AGBL4: variants seen among roughly 807,000 people sequenced by gnomAD.
AGBL4 encodes cytosolic carboxypeptidase 6.
A neutral mutation model predicts 66.4 loss-of-function variants in AGBL4; 58 were observed. That is an observed-to-expected ratio of 0.87 (90% CI 0.71 to 1.09). The LOEUF (loss-of-function observed/expected upper bound fraction) is 1.09, where lower values mean the gene tolerates loss of function less well. Ranked by LOEUF, AGBL4 falls within the 50% of genes least tolerant of loss-of-function variation. The probability of loss-of-function intolerance (pLI) is 0.00; values close to 1 mark genes in which losing one functional copy is unlikely to be tolerated. For synonymous variants in AGBL4, 234 were observed against 222.9 expected (o/e 1.05, Z -0.44); for missense variants, 579 against 631.0 (o/e 0.92, Z 0.88).
intron 5 of AGBL4, among the ~76,000 whole-genome samples, chr1:48,875,686 G>A (rs1196995234): frequency 2.0e-5 from 3 of 152,190 alleles, no homozygotes; most frequent in Admixed American, 6.5e-5. Flanking sequence ...TGGAAATAGA[G>A]AGGAGCATAT....
intron 4 of AGBL4, among the ~76,000 whole-genome samples, chr1:49,119,065 G>T (rs1268531648): frequency 6.6e-6 from 1 of 152,004 alleles, no homozygotes; most frequent in Non-Finnish European, 1.5e-5. Context: ...ATTTTTTATT[G>T]CATCTATTTG....
chr1:49,740,450 G>A (rs561495636), intron 2 of AGBL4, among the ~76,000 whole-genome samples: 2 of 152,166 alleles, frequency 1.3e-5, no homozygotes, highest in Admixed American at 1.3e-4. Context: ...CAATAATAAT[G>A]GGAGACTTTA....
At chr1:48,980,862 CA>C (rs1659715069) in intron 5 of AGBL4, among the ~76,000 whole-genome samples, 1 of 150,694 alleles carries the variant, frequency 6.6e-6, no homozygotes. Context: ...TCTGAGCCCT[CA>C]AGTAGCTGCT....
At chr1:49,380,129 A>AGTT (rs1353527473) in intron 3 of AGBL4, among the ~76,000 whole-genome samples, 1 of 152,178 alleles carries the variant, frequency 6.6e-6, no homozygotes, top group East Asian at 1.9e-4. Context: ...AATCTCCTTA[A>AGTT]GCTGATAAGC....
intron 5 of AGBL4, among the ~76,000 whole-genome samples, chr1:49,028,934 A>C (rs931093874): frequency 4.6e-5 from 7 of 152,172 alleles, no homozygotes; most frequent in Non-Finnish European, 8.8e-5. Context: ...CATAATATAC[A>C]ATTTTAATAA....
intron 3 of AGBL4, among the ~76,000 whole-genome samples, chr1:49,653,733 G>A (rs1646056380): frequency 6.6e-6 from 1 of 151,496 alleles, no homozygotes; most frequent in Non-Finnish European, 1.5e-5. Context: ...AGAGCTTGAA[G>A]ACTGTCTTGC....
chr1:49,215,746 A>T (rs982384110), intron 4 of AGBL4, among the ~76,000 whole-genome samples: 5 of 152,114 alleles, frequency 3.3e-5, no homozygotes, highest in Non-Finnish European at 7.4e-5. Flanking sequence ...CGTTTGCTCA[A>T]GCTTCATCAT....
intron 3 of AGBL4, among the ~76,000 whole-genome samples, chr1:49,383,973 T>G (rs938460667): frequency 2.0e-4 from 30 of 151,916 alleles, no homozygotes; most frequent in Non-Finnish European, 3.1e-4. Context: ...ATTTTTTGTA[T>G]TTTAGTAGAG....
At chr1:48,760,603 C>T (rs538390058) in intron 6 of AGBL4, among the ~76,000 whole-genome samples, 8 of 152,260 alleles carry the variant, frequency 5.3e-5, no homozygotes, top group East Asian at 3.9e-4. Context: ...GTTCCAGGTA[C>T]GAGCACAGGG....
chr1:49,664,357 T>C (rs1205267222), intron 3 of AGBL4, among the ~76,000 whole-genome samples: 2 of 152,058 alleles, frequency 1.3e-5, no homozygotes, highest in African/African-American at 4.8e-5. Flanking sequence ...TTTTAAAATA[T>C]AGCAATTACA....
At chr1:49,841,741 A>T (rs1196323343) in intron 2 of AGBL4, 3 of 282,350 alleles carry the variant, frequency 1.1e-5, no homozygotes, top group Non-Finnish European at 2.0e-5. Flanking sequence ...AAAGGCATTC[A>T]GTTTTATAAG....
intron 4 of AGBL4, among the ~76,000 whole-genome samples, chr1:49,116,120 A>C (rs973712853): frequency 2.0e-5 from 3 of 152,176 alleles, no homozygotes; most frequent in African/African-American, 7.2e-5. Flanking sequence ...ATCTCTGTAT[A>C]AGTATGTTTT....
intron 6 of AGBL4, among the ~76,000 whole-genome samples, chr1:48,859,623 G>A (rs1647313126): frequency 6.6e-6 from 1 of 152,212 alleles, no homozygotes; most frequent in African/African-American, 2.4e-5. Context: ...TGTTCCGCCT[G>A]GCTGCTAGAA....
chr1:49,546,678 G>T (rs1240344518), intron 3 of AGBL4, among the ~76,000 whole-genome samples: 6 of 151,942 alleles, frequency 3.9e-5, no homozygotes, highest in East Asian at 1.9e-4. Flanking sequence ...ACTGTTTTTT[G>T]ATTTTTTTGA....
intron 1 of AGBL4, among the ~76,000 whole-genome samples, chr1:50,015,560 G>T (rs1661914784): frequency 6.6e-6 from 1 of 152,192 alleles, no homozygotes; most frequent in Non-Finnish European, 1.5e-5. Context: ...GGGAGGCTGA[G>T]ATGAGACCAT....
At chr1:49,557,938 A>T (rs930914680) in intron 3 of AGBL4, among the ~76,000 whole-genome samples, 1 of 151,752 alleles carries the variant, frequency 6.6e-6, no homozygotes, top group Non-Finnish European at 1.5e-5. Flanking sequence ...CTTAAATACC[A>T]GCTCTACCAT....
Position 49,658,571 on chromosome 1 carries a change from T to C in AGBL4, c.282+38742A>G, listed in dbSNP as rs184224160. ...GACACATGCACACATATGTTTATTG[T>C]GGCACTACTCACAATAGCAAAGACT... On this transcript the variant is annotated intron_variant, in intron 3 of 13. Coordinates refer to ENST00000371839, the MANE Select transcript of AGBL4 (RefSeq NM_032785.4). Among the ~76,000 whole-genome samples the C allele has an allele frequency of 8.1e-3, 1,232 of 152,220 alleles. 12 individuals are homozygous for C. The highest frequency in any genetic ancestry group is 0.01 in the Admixed American group (158 of 15,282).
At chr1:49,425,931 C>A (rs934797055) in intron 3 of AGBL4, among the ~76,000 whole-genome samples, 10 of 152,202 alleles carry the variant, frequency 6.6e-5, no homozygotes, top group Admixed American at 1.3e-4. Context: ...GAAACTGAGG[C>A]TCTGTGACGC....
At chr1:48,624,198 G>T (rs1235417162) in intron 9 of AGBL4, among the ~76,000 whole-genome samples, 1 of 152,144 alleles carries the variant, frequency 6.6e-6, no homozygotes, top group Non-Finnish European at 1.5e-5. Flanking sequence ...TGTAACAGAG[G>T]ATCAGCAGGG....
Sources: gnomAD v4.1 joint callset for allele counts (sites outside exome capture counted in the v4.1 genomes callset) on GRCh38, gnomAD v4.1.1 for gene constraint, MANE v1.5 for transcripts, NCBI Gene and HGNC (gene_info 2026-07-23, HGNC 2026-07-21) for gene names.